Variants in ARHGAP6 observed in about 807,000 individuals in gnomAD.
ARHGAP6 encodes the protein Rho GTPase activating protein 6.
A neutral mutation model predicts 55.7 loss-of-function variants in ARHGAP6; 16 were observed. The observed-to-expected ratio is 0.29, with a 90% CI of 0.19 to 0.44. The LOEUF is 0.44. Among genes scored for constraint, ARHGAP6 ranks in the 20% least tolerant of loss-of-function variants. The pLI, the probability that ARHGAP6 is intolerant of heterozygous loss-of-function variation, is 1.00. For missense variants in ARHGAP6, 698 were observed against 808.9 expected, an observed-to-expected ratio of 0.86 and a Z score of 1.66; for synonymous variants, 382 against 360.9, an observed-to-expected ratio of 1.06 and a Z score of -0.66.
chrX:11,423,695 T>C (rs2049849805), intron 1 of ARHGAP6, among the ~76,000 whole-genome samples: 1 of 112,827 alleles, frequency 8.9e-6, no homozygotes, highest in African/African-American at 3.2e-5. Context: ...CTCTGCTAGG[T>C]GTCCAGGTGA....
chrX:11,388,321 TTCATGTG>T (rs1569324763), intron 1 of ARHGAP6, among the ~76,000 whole-genome samples: 2 of 112,148 alleles, frequency 1.8e-5, no homozygotes, highest in African/African-American at 6.5e-5. Context: ...TGAGCATTTT[TTCATGTG>T]TCTTTTGGCT....
At chrX:11,322,955 T>C (rs57122638) in intron 1 of ARHGAP6, among the ~76,000 whole-genome samples, 2,484 of 112,257 alleles carry the variant, frequency 0.022, 65 homozygotes, top group African/African-American at 0.075. Context: ...AGGAAAACAA[T>C]CTGTTTCTGC....
At chrX:11,630,634 TGGATGGATGGAC>T (rs1029837944) in intron 1 of ARHGAP6, among the ~76,000 whole-genome samples, 3 of 112,054 alleles carry the variant, frequency 2.7e-5, no homozygotes, top group African/African-American at 9.7e-5. Flanking sequence ...GATGGATGGA[TGGATGGATGGAC>T]AGACAGAAAA....
chrX:11,410,847 T>C (rs2049671147), intron 1 of ARHGAP6, among the ~76,000 whole-genome samples: 1 of 109,956 alleles, frequency 9.1e-6, no homozygotes, highest in Non-Finnish European at 1.9e-5. Flanking sequence ...AGTGTCTGGA[T>C]GACCTTGATG....
rs369887991 is a variant in ARHGAP6 at position 11,156,642 on chromosome X, G to A, written c.1810-16C>T. ...CTGGGGGAACCTGAAGGAGCCAAAT[G>A]TTGAGGCATAAATAAAACCATTCCA... On this transcript the variant is annotated splice_polypyrimidine_tract_variant and intron_variant, in intron 9 of 12. Transcript: ENST00000337414. 3.3e-5 allele frequency: 39 copies of A among 1,164,684 alleles called. No individual in the cohort carries two copies. Among genetic ancestry groups the A allele is most frequent in the Non-Finnish European group, 4.2e-5 (36 of 856,300 alleles).
At chrX:11,202,366 T>G (rs2046640825) in intron 2 of ARHGAP6, among the ~76,000 whole-genome samples, 1 of 111,038 alleles carries the variant, frequency 9.0e-6, no homozygotes, top group Non-Finnish European at 1.9e-5. Flanking sequence ...ACTGTTCCCA[T>G]AACCCTAAAT....
Position 11,390,069 on chromosome X carries a change from T to G in ARHGAP6, c.589-135362A>C, listed in dbSNP as rs1401274080. 4.5e-5 allele frequency among the ~76,000 whole-genome samples: 5 copies of G among 112,250 alleles called. No homozygotes were observed. In the Admixed American group the frequency reaches 4.7e-4, roughly 11 times the overall value. On this transcript the variant is annotated intron_variant, in intron 1 of 12. Coordinates refer to ENST00000337414, the MANE Select transcript of ARHGAP6 (RefSeq NM_013427.3). ...GTTTTTATGGTTTTAGGTCTAACATTTAAGTCTTTAATCCATCTTGAATTA... is the reference window on the plus strand; with the variant it reads ...GTTTTTATGGTTTTAGGTCTAACATGTAAGTCTTTAATCCATCTTGAATTA...
intron 1 of ARHGAP6, among the ~76,000 whole-genome samples, chrX:11,370,098 A>G (rs981052348): frequency 2.7e-5 from 3 of 112,473 alleles, no homozygotes; most frequent in Non-Finnish European, 3.8e-5. Context: ...ATTCAATTGT[A>G]TATACTCTTC....
chrX:11,519,219 C>T (rs2050884790), intron 1 of ARHGAP6, among the ~76,000 whole-genome samples: 2 of 103,795 alleles, frequency 1.9e-5, no homozygotes, highest in Admixed American at 2.1e-4. Context: ...CACTGACTTC[C>T]ACAATGGTTG....
intron 1 of ARHGAP6, among the ~76,000 whole-genome samples, chrX:11,372,771 C>CAAAAAAAAAAAAAAAAAAA (rs1171647934): frequency 7.0e-5 from 1 of 14,357 alleles, no homozygotes; most frequent in African/African-American, 2.9e-4. Flanking sequence ...GACTCCATCT[C>CAAAAAAAAAAAAAAAAAAA]AAAAAAAAAA....
chrX:11,423,991 C>T (rs2049853318), intron 1 of ARHGAP6, among the ~76,000 whole-genome samples: 2 of 112,474 alleles, frequency 1.8e-5, no homozygotes, highest in African/African-American at 6.5e-5. Context: ...TTAATGGATA[C>T]TTAAATTTTT....
At chrX:11,462,430 A>G (rs2050253918) in intron 1 of ARHGAP6, among the ~76,000 whole-genome samples, 1 of 112,256 alleles carries the variant, frequency 8.9e-6, no homozygotes, top group Non-Finnish European at 1.9e-5. Flanking sequence ...TTGTTTGTAC[A>G]GTGTAGTAAT....
intron 1 of ARHGAP6, among the ~76,000 whole-genome samples, chrX:11,431,165 T>A (rs971895666): frequency 8.9e-6 from 1 of 112,040 alleles, no homozygotes; most frequent in Non-Finnish European, 1.9e-5. Context: ...TTTTCTTTTT[T>A]AAAAAATAAT....
intron 1 of ARHGAP6, among the ~76,000 whole-genome samples, chrX:11,628,342 G>C (rs1315395184): frequency 8.9e-6 from 1 of 112,273 alleles, no homozygotes; most frequent in Non-Finnish European, 1.9e-5. Flanking sequence ...TTCTATTATG[G>C]TTACATTTGA....
At chrX:11,229,557 A>G (rs1200545753) in intron 2 of ARHGAP6, among the ~76,000 whole-genome samples, 2 of 112,438 alleles carry the variant, frequency 1.8e-5, no homozygotes, top group African/African-American at 6.5e-5. Flanking sequence ...GTATGCATGC[A>G]TCTAAAATCT....
At chrX:11,622,812 AG>A (rs1483447982) in intron 1 of ARHGAP6, among the ~76,000 whole-genome samples, 12 of 111,936 alleles carry the variant, frequency 1.1e-4, no homozygotes, top group Non-Finnish European at 2.1e-4. Flanking sequence ...GCTGTTTCCA[AG>A]AAAACATTTT....
chrX:11,573,036 G>C (rs2051546899), intron 1 of ARHGAP6, among the ~76,000 whole-genome samples: 1 of 111,340 alleles, frequency 9.0e-6, no homozygotes, highest in Admixed American at 9.5e-5. Flanking sequence ...TGATGGGGTT[G>C]TTTTTTTCTT....
chrX:11,186,951 G>T, intron 4 of ARHGAP6, among the ~76,000 whole-genome samples: 1 of 111,268 alleles, frequency 9.0e-6, no homozygotes, highest in Non-Finnish European at 1.9e-5. Context: ...GGGGGGAAAT[G>T]AGACAAGGAA....
chrX:11,660,080 C>T (rs1450386028), intron 1 of ARHGAP6, among the ~76,000 whole-genome samples: 1 of 111,677 alleles, frequency 9.0e-6, no homozygotes, highest in South Asian at 3.8e-4. Flanking sequence ...TCGTAATTAC[C>T]ACTATCCTAC....
Sources: gnomAD v4.1 joint callset for allele counts (sites outside exome capture counted in the v4.1 genomes callset) on GRCh38, gnomAD v4.1.1 for gene constraint, MANE v1.5 for transcripts, NCBI Gene and HGNC (gene_info 2026-07-23, HGNC 2026-07-21) for gene names.